FSTL5: variants seen among roughly 807,000 people sequenced by gnomAD.
FSTL5 encodes the protein follistatin like 5.
A neutral mutation model predicts 89.1 loss-of-function variants in FSTL5; 62 were observed. The ratio of observed to expected loss-of-function variants is 0.70; its 90% CI spans 0.57 to 0.86. The LOEUF (loss-of-function observed/expected upper bound fraction) is 0.86, where lower values mean the gene tolerates loss of function less well. Ranked by LOEUF, FSTL5 falls within the 40% of genes least tolerant of loss-of-function variation. FSTL5 has a pLI of 0.00. For synonymous variants in FSTL5, 383 were observed against 346.2 expected, an observed-to-expected ratio of 1.11 and a Z score of -1.18; for missense variants, 1,057 against 1,001.6, an observed-to-expected ratio of 1.06 and a Z score of -0.75.
intron 8 of FSTL5, among the ~76,000 whole-genome samples, chr4:161,554,812 G>A (rs1283625493): frequency 1.3e-5 from 2 of 151,790 alleles, no homozygotes; most frequent in Non-Finnish European, 3.0e-5. Context: ...ACTCACAGCG[G>A]CAGCTGGATT....
chr4:161,636,483 T>C (rs1735712158), intron 7 of FSTL5, among the ~76,000 whole-genome samples: 1 of 150,550 alleles, frequency 6.6e-6, no homozygotes. Context: ...TTATTATACT[T>C]TAAGTTTTAG....
intron 4 of FSTL5, among the ~76,000 whole-genome samples, chr4:161,777,256 T>TATAC (rs1165038632): frequency 6.8e-6 from 1 of 146,840 alleles, no homozygotes; most frequent in East Asian, 2.0e-4. Flanking sequence ...TATATATATA[T>TATAC]ATATACACAC....
intron 4 of FSTL5, among the ~76,000 whole-genome samples, chr4:161,814,645 T>A (rs1202380376): frequency 4.6e-5 from 7 of 152,134 alleles, no homozygotes; most frequent in African/African-American, 1.7e-4. Context: ...GCATTGGTTT[T>A]CTAAAGCTAA....
chr4:161,400,795 G>A (rs1731157571), intron 15 of FSTL5, among the ~76,000 whole-genome samples: 1 of 152,028 alleles, frequency 6.6e-6, no homozygotes, highest in South Asian at 2.1e-4. Flanking sequence ...AAATAGCAGT[G>A]TACATGAGAA....
At position 161,470,499 on chromosome 4, in the gene FSTL5, G is replaced by A. The variant is rs116126283; in HGVS notation, c.1608+10521C>T. Among the ~76,000 whole-genome samples the A allele has an allele frequency of 4.2e-3, 634 of 152,128 alleles. 1 individual carries two copies. The highest frequency in any genetic ancestry group is 7.0e-3 in the Non-Finnish European group (478 of 67,980). ...GTTTTTGATTATTGTAGCCTTTGCA[G>A]TAAGTTTTGACACAAGAAAATGAGA... is the stretch of plus-strand genomic sequence containing the variant. On this transcript the variant is annotated intron_variant, in intron 13 of 15. Transcript: ENST00000306100.
chr4:161,977,639 A>AAAAAAAAAAAAAAAAAAAAAAAAAAAAAT (rs1553988132), intron 3 of FSTL5, among the ~76,000 whole-genome samples: 1 of 101,244 alleles, frequency 9.9e-6, no homozygotes, highest in Non-Finnish European at 1.9e-5. Context: ...AAAAAAAAAA[A>AAAAAAAAAAAAAAAAAAAAAAAAAAAAAT]AATAATAATA....
chr4:161,877,775 G>A (rs1291406898), intron 4 of FSTL5, among the ~76,000 whole-genome samples: 1 of 151,896 alleles, frequency 6.6e-6, no homozygotes, highest in South Asian at 2.1e-4. Context: ...GCAGTGAGCC[G>A]AGATCGCGCC....
At chr4:161,665,523 G>A (rs933388237) in intron 6 of FSTL5, among the ~76,000 whole-genome samples, 5 of 152,130 alleles carry the variant, frequency 3.3e-5, no homozygotes, top group South Asian at 2.1e-4. Context: ...GTGAGCCACC[G>A]CGCCCGGCCC....
intron 4 of FSTL5, among the ~76,000 whole-genome samples, chr4:161,866,515 A>T (rs1732097616): frequency 9.5e-6 from 1 of 104,806 alleles, no homozygotes; most frequent in Non-Finnish European, 2.1e-5. Context: ...TGTGGTTTCA[A>T]TCTTCACTCA....
intron 4 of FSTL5, among the ~76,000 whole-genome samples, chr4:161,784,406 T>A (rs566737423): frequency 6.5e-4 from 99 of 152,074 alleles, no homozygotes; most frequent in African/African-American, 2.1e-3. Flanking sequence ...GACCTTTTTT[T>A]AAAAAAATAA....
At chr4:161,483,106 C>T (rs1349868743) in intron 12 of FSTL5, among the ~76,000 whole-genome samples, 2 of 152,142 alleles carry the variant, frequency 1.3e-5, no homozygotes, top group Admixed American at 1.3e-4. Context: ...AGTCTGTCTT[C>T]ACTACATGCT....
chr4:162,122,243 G>C (rs1731897604), intron 1 of FSTL5, among the ~76,000 whole-genome samples: 4 of 152,044 alleles, frequency 2.6e-5, no homozygotes, highest in African/African-American at 4.8e-5. Flanking sequence ...AAGAACAATA[G>C]GTTAAAAGTC....
In FSTL5 at chr4:161,508,637, A is replaced by C. The variant is rs7694654; in HGVS notation, c.1339+1761T>G. On this transcript the variant is annotated intron_variant, in intron 11 of 15. Coordinates refer to ENST00000306100, the MANE Select transcript of FSTL5 (RefSeq NM_020116.5). ...GATTTTAATTAATCTGAAAGCTTCT[A>C]TTCTATACTTTAGAGGGTGGCCTGG... Among the ~76,000 whole-genome samples, 24 of 152,260 alleles carry C rather than the reference A, an allele frequency of 1.6e-4. No homozygotes were observed. In the East Asian group the frequency reaches 2.7e-3, roughly 17 times the overall value.
chr4:161,630,623 T>C (rs1735471407), intron 7 of FSTL5, among the ~76,000 whole-genome samples: 1 of 152,228 alleles, frequency 6.6e-6, no homozygotes, highest in Admixed American at 6.5e-5. Flanking sequence ...TAACTTTAAA[T>C]ATTGGTTAAG....
chr4:162,011,449 ACTCTTCTCTGTCCAG>A (rs1353161303), intron 3 of FSTL5, among the ~76,000 whole-genome samples: 1 of 151,448 alleles, frequency 6.6e-6, no homozygotes, highest in Non-Finnish European at 1.5e-5. Flanking sequence ...GTGTTTCCTG[ACTCTTCTCTGTCCAG>A]CCCTCTCAAG....
intron 6 of FSTL5, among the ~76,000 whole-genome samples, chr4:161,740,974 A>C (rs1740005748): frequency 6.6e-6 from 1 of 152,168 alleles, no homozygotes; most frequent in Admixed American, 6.5e-5. Context: ...GCAGCAAAGC[A>C]GCTCTCTGGG....
chr4:161,861,496 GGGAA>G (rs1205730701), intron 4 of FSTL5, among the ~76,000 whole-genome samples: 1 of 151,552 alleles, frequency 6.6e-6, no homozygotes, highest in African/African-American at 2.4e-5. Flanking sequence ...GAAGGAAGGA[GGGAA>G]GGAAGGCCTA....
chr4:161,946,182 G>A (rs369517343), intron 3 of FSTL5, among the ~76,000 whole-genome samples: 52 of 151,992 alleles, frequency 3.4e-4, no homozygotes, highest in African/African-American at 1.1e-3. Context: ...ATGTTCATTC[G>A]TTAACATTTT....
chr4:162,044,215 T>A (rs1011789471), intron 2 of FSTL5, among the ~76,000 whole-genome samples: 2 of 152,202 alleles, frequency 1.3e-5, no homozygotes, highest in Non-Finnish European at 2.9e-5. Flanking sequence ...AATGTCAAAA[T>A]TATTCCTTGC....
Sources: gnomAD v4.1 joint callset for allele counts (sites outside exome capture counted in the v4.1 genomes callset) on GRCh38, gnomAD v4.1.1 for gene constraint, MANE v1.5 for transcripts, NCBI Gene and HGNC (gene_info 2026-07-23, HGNC 2026-07-21) for gene names.